SMARCC1: variants seen among roughly 807,000 people sequenced by gnomAD.
SMARCC1 encodes the protein SWI/SNF complex subunit SMARCC1.
A neutral mutation model predicts 147.4 loss-of-function variants in SMARCC1; 43 were observed. That is an observed-to-expected ratio of 0.29 (90% confidence interval 0.23 to 0.38). The LOEUF is 0.38. SMARCC1 is among the 10% of genes least tolerant of loss of function. The probability of loss-of-function intolerance (pLI) is 1.00; values close to 1 mark genes in which losing one functional copy is unlikely to be tolerated. For synonymous variants in SMARCC1, 495 were observed against 484.4 expected (o/e 1.02, Z -0.29); for missense variants, 1,119 against 1,381.1 (o/e 0.81, Z 3.01).
intron 21 of SMARCC1, among the ~76,000 whole-genome samples, chr3:47,660,370 A>C (rs556232298): frequency 1.3e-5 from 2 of 148,958 alleles, no homozygotes; most frequent in South Asian, 4.3e-4. Context: ...GGCGTGAACC[A>C]GGGAGGCAGA....
At chr3:47,747,967 G>A (rs2034585334) in intron 2 of SMARCC1, among the ~76,000 whole-genome samples, 1 of 150,952 alleles carries the variant, frequency 6.6e-6, no homozygotes, top group Admixed American at 6.6e-5. Flanking sequence ...CCACCAGCAC[G>A]GCCAACATGG....
chr3:47,630,228 C>T (rs2106695164), intron 24 of SMARCC1, among the ~76,000 whole-genome samples: 1 of 152,180 alleles, frequency 6.6e-6, no homozygotes, highest in Non-Finnish European at 1.5e-5. Context: ...TTCAGATCAT[C>T]AGACATTAGA....
chr3:47,663,899 G>C (rs2033384958), intron 19 of SMARCC1: 1 of 1,483,928 alleles, frequency 6.7e-7, no homozygotes, highest in African/African-American at 1.4e-5. Context: ...CATCTTGCTG[G>C]GTCTAGCTGT....
intron 2 of SMARCC1, among the ~76,000 whole-genome samples, chr3:47,765,934 T>C (rs2034835206): frequency 6.6e-6 from 1 of 152,088 alleles, no homozygotes; most frequent in African/African-American, 2.4e-5. Context: ...GGTTTCACCA[T>C]GTTGGCCAGG....
intron 23 of SMARCC1, 101 bp from the exon 24 acceptor site, chr3:47,635,445 A>T (rs2032956437): frequency 9.8e-7 from 1 of 1,021,172 alleles, no homozygotes; most frequent in African/African-American, 1.6e-5. Flanking sequence ...GATATGACAA[A>T]GAGATGTCAA....
intron 7 of SMARCC1, among the ~76,000 whole-genome samples, chr3:47,718,925 A>AT (rs1365781569): frequency 6.6e-6 from 1 of 151,404 alleles, no homozygotes; most frequent in Non-Finnish European, 1.5e-5. Context: ...ATTAAAAAAA[A>AT]TTTTTTTTTG....
In SMARCC1 at chr3:47,610,310, C is replaced by CTT; in HGVS notation, c.2798_2799insAA (p.Gln934SerfsTer15). On this transcript the variant is annotated frameshift_variant, in exon 26 of 28. Transcript: ENST00000254480. LOFTEE classifies it high-confidence loss of function. ...AGTTTTGGCGTTCAGTAAGCAACTGCTGCCTCTGTTGTTCTAGCTGTAAGC... is the reference window on the plus strand; with the variant it reads ...AGTTTTGGCGTTCAGTAAGCAACTGCTTTGCCTCTGTTGTTCTAGCTGTAAGC... 1 of 1,614,186 alleles carries CTT rather than the reference C, an allele frequency of 6.2e-7. No individual in the cohort carries two copies. The highest frequency in any genetic ancestry group is 8.5e-7 in the Non-Finnish European group (1 of 1,180,024).
intron 25 of SMARCC1, among the ~76,000 whole-genome samples, chr3:47,619,566 G>A (rs183711755): frequency 4.0e-4 from 61 of 152,324 alleles, no homozygotes; most frequent in Admixed American, 1.3e-4. Flanking sequence ...ATGCAAACAG[G>A]TGGCAAAGAG....
intron 26 of SMARCC1, among the ~76,000 whole-genome samples, chr3:47,597,107 C>T (rs1029817398): frequency 6.8e-6 from 1 of 147,342 alleles, no homozygotes; most frequent in South Asian, 2.1e-4. Flanking sequence ...GCTGAGACTG[C>T]GTCACTGCAC....
intron 15 of SMARCC1, among the ~76,000 whole-genome samples, chr3:47,679,155 C>T (rs1286417606): frequency 6.7e-6 from 1 of 150,224 alleles, no homozygotes; most frequent in Non-Finnish European, 1.5e-5. Context: ...AAACAAAATG[C>T]AGGCAGCCAA....
chr3:47,635,234 T>C lies in SMARCC1; in HGVS notation c.2602A>G (p.Thr868Ala). Residue 868 changes from threonine (T) to alanine (A), a missense_variant, in exon 24 of 28, where the codon ACA becomes GCA. Transcript: ENST00000254480. ...EHEISEGNVATAAAAALASAA... is the reference protein window; with the variant it reads ...EHEISEGNVAAAAAAALASAA... ...GAGGCAAGAGCAGCTGCTGCGGCTGTGGCAACATTTCCTTCGGAAATTTCA... is the reference window on the plus strand; with the variant it reads ...GAGGCAAGAGCAGCTGCTGCGGCTGCGGCAACATTTCCTTCGGAAATTTCA... The C allele has an allele frequency of 3.1e-6, 5 of 1,613,788 alleles. No individual in the cohort carries two copies. The highest frequency in any genetic ancestry group is 4.2e-6 in the Non-Finnish European group (5 of 1,179,932).
At chr3:47,660,459 A>C (rs1053035232) in intron 21 of SMARCC1, among the ~76,000 whole-genome samples, 18 of 151,138 alleles carry the variant, frequency 1.2e-4, no homozygotes, top group Middle Eastern at 3.2e-3. Flanking sequence ...AAAAAAAAAA[A>C]AAAAAAAAAA....
chr3:47,606,582 C>T (rs952424077), intron 26 of SMARCC1, among the ~76,000 whole-genome samples: 1 of 152,206 alleles, frequency 6.6e-6, no homozygotes, highest in African/African-American at 2.4e-5. Context: ...CTTAGATGTT[C>T]TGTGAGCAGT....
At chr3:47,709,542 C>T (rs2034059103) in intron 9 of SMARCC1, among the ~76,000 whole-genome samples, 1 of 151,742 alleles carries the variant, frequency 6.6e-6, no homozygotes. Context: ...AAAAATTAGC[C>T]AGATGTGGTG....
rs186634338 is a variant in SMARCC1, at chr3:47,664,846, A to C, written c.1900-2254T>G. Among the ~76,000 whole-genome samples the C allele has an allele frequency of 3.9e-5, 6 of 152,258 alleles. 1 individual carries two copies. The highest frequency in any genetic ancestry group is 1.4e-4 in the African/African-American group (6 of 41,548). On this transcript the variant is annotated intron_variant, in intron 19 of 27. Transcript: ENST00000254480. ...TATGAACCCTCCACCCCAACAACAA[A>C]AAAATCTGGCCCAAATGTCAATATT... is the stretch of plus-strand genomic sequence containing the variant.
rs142266226 is a variant in SMARCC1, at chr3:47,745,934, A to G, written c.375T>C (p.Ala125=). The part of the protein sequence containing the change: ...GGALCHILGA[A]YKYKNEQGWR... ...ATCCCTGTTCATTTTTATACTTGTA[A>G]GCAGCCCCAAGAATGTGACATAAGG... The change falls in exon 3 of 28, where the codon GCT becomes GCC. Residue 125 remains alanine, a synonymous_variant. Coordinates refer to ENST00000254480, the MANE Select transcript of SMARCC1 (RefSeq NM_003074.4). The G allele has an allele frequency of 4.2e-5, 67 of 1,582,424 alleles. No individual in the cohort carries two copies. The highest frequency in any genetic ancestry group is 1.7e-4 in the Middle Eastern group (1 of 5,950).
chr3:47,672,953 A>AT (rs936432342), intron 18 of SMARCC1, among the ~76,000 whole-genome samples: 65 of 145,150 alleles, frequency 4.5e-4, no homozygotes, highest in South Asian at 3.3e-3. Context: ...TAGTTTCAGT[A>AT]TTTTTTTTTT....
At chr3:47,642,866 T>A (rs1157573321) in intron 21 of SMARCC1, among the ~76,000 whole-genome samples, 1 of 152,098 alleles carries the variant, frequency 6.6e-6, no homozygotes, top group East Asian at 1.9e-4. Context: ...GGCAACATTG[T>A]CAGACTCTGT....
Position 47,635,240 on chromosome 3 carries a change from C to T in SMARCC1, c.2596G>A (p.Val866Ile). Residue 866 changes from valine (V) to isoleucine (I), a missense_variant, in exon 24 of 28, where the codon GTT (valine) becomes ATT (isoleucine). This residue lies in a region of SMARCC1 where 157 missense variants were observed against 158.6 expected (regional missense o/e 0.99). Coordinates refer to ENST00000254480, the MANE Select transcript of SMARCC1 (RefSeq NM_003074.4). ...KVEHEISEGN[V>I]ATAAAAALAS... ...AGAGCAGCTGCTGCGGCTGTGGCAACATTTCCTTCGGAAATTTCATGTTCT... is the reference window on the plus strand; with the variant it reads ...AGAGCAGCTGCTGCGGCTGTGGCAATATTTCCTTCGGAAATTTCATGTTCT... 1.9e-6 allele frequency: 3 copies of T among 1,613,858 alleles called. No homozygotes were observed. Among genetic ancestry groups the T allele is most frequent in the Non-Finnish European group, 2.5e-6 (3 of 1,179,956 alleles).
Sources: gnomAD v4.1 joint callset for allele counts (sites outside exome capture counted in the v4.1 genomes callset) on GRCh38, gnomAD v4.1.1 for gene constraint, gnomAD v4.1.1 regional missense constraint, MANE v1.5 for transcripts, NCBI Gene and HGNC (gene_info 2026-07-23, HGNC 2026-07-21) for gene names.